The following DST variants were observed in gnomAD, a reference collection of about 807,000 sequenced individuals.
DST encodes the protein dystonin.
DST carries 253 observed loss-of-function variants against 875.2 expected under a neutral mutation model. The ratio of observed to expected loss-of-function variants is 0.29; its 90% CI spans 0.26 to 0.32. DST has a LOEUF of 0.32. DST is among the 10% of genes least tolerant of loss of function. The pLI is 1.00. For synonymous variants in DST, 3,124 were observed against 3,197.1 expected (o/e 0.98, Z 0.77); for missense variants, 8,287 against 9,111.6 (o/e 0.91, Z 3.68).
chr6:56,458,969 A>C lies in DST; in HGVS notation c.*36T>G. The C allele has an allele frequency of 1.3e-6, 2 of 1,502,552 alleles. No individual in the cohort carries two copies. Among genetic ancestry groups the C allele is most frequent in the Non-Finnish European group, 1.8e-6 (2 of 1,123,934 alleles). 93.1% of individuals were successfully genotyped at this position (1,502,552 alleles called of 1,614,324 possible). ...TTACATCGTTCAAACTTAAATAATAAATGCTCAAGGAAGGGCCTTGGTAGA... is the reference window on the plus strand; with the variant it reads ...TTACATCGTTCAAACTTAAATAATACATGCTCAAGGAAGGGCCTTGGTAGA... On this transcript the variant is annotated 3_prime_UTR_variant, in exon 104 of 104. Coordinates refer to ENST00000680361, the MANE Select transcript of DST (RefSeq NM_001374736.1).
intron 2 of DST, among the ~76,000 whole-genome samples, chr6:56,949,034 G>C (rs942776262): frequency 6.6e-6 from 1 of 152,132 alleles, no homozygotes; most frequent in Admixed American, 6.5e-5. Context: ...CCCAAAACCA[G>C]AATTTTGAAC....
intron 2 of DST, among the ~76,000 whole-genome samples, chr6:56,907,003 T>C (rs748378957): frequency 6.6e-6 from 1 of 152,192 alleles, no homozygotes; most frequent in Non-Finnish European, 1.5e-5. Flanking sequence ...GAGCCCACTC[T>C]AGATCTTCCC....
intron 49 of DST, among the ~76,000 whole-genome samples, chr6:56,587,931 C>T (rs1356899311): frequency 6.6e-6 from 1 of 152,080 alleles, no homozygotes; most frequent in Non-Finnish European, 1.5e-5. Context: ...TGGAAAGGAA[C>T]AACCGGTACC....
At chr6:56,917,006 AAAAAAAAAAAAGAC>A (rs1801553540) in intron 2 of DST, among the ~76,000 whole-genome samples, 1 of 101,968 alleles carries the variant, frequency 9.8e-6, no homozygotes, top group Non-Finnish European at 2.3e-5. Flanking sequence ...AAAAAAAAAA[AAAAAAAAAAAAGAC>A]AGGCAGAGGC....
At chr6:56,673,761 C>T (rs191466034) in intron 9 of DST, among the ~76,000 whole-genome samples, 3 of 152,242 alleles carry the variant, frequency 2.0e-5, no homozygotes, top group Admixed American at 1.3e-4. Flanking sequence ...TTTTACAATG[C>T]ATATGCAAAT....
At chr6:56,871,785 A>G in intron 3 of DST, 1 of 341,690 alleles carries the variant, frequency 2.9e-6, no homozygotes, top group Non-Finnish European at 5.4e-6. Flanking sequence ...GTAAAAAAAA[A>G]AAAAAAAAAA....
Position 56,517,197 on chromosome 6 carries a change from C to A in DST, c.18357+1G>T. 1 of 1,609,060 alleles carries A rather than the reference C, an allele frequency of 6.2e-7. No homozygotes were observed. ...CTACCAGTCCACAGACAAGATTATA[C>A]CTTCATTGATTGCTTTTCCTCTTCA... On this transcript the variant is annotated splice_donor_variant, in intron 71 of 103. Transcript: ENST00000680361. LOFTEE classifies it high-confidence loss of function.
At chr6:56,796,211 A>G (rs2099739483) in intron 4 of DST, among the ~76,000 whole-genome samples, 1 of 152,246 alleles carries the variant, frequency 6.6e-6, no homozygotes, top group South Asian at 2.1e-4. Flanking sequence ...GGGTGAATTT[A>G]TGATAAATAC....
At chr6:56,761,925 T>C (rs2152963972) in intron 4 of DST, among the ~76,000 whole-genome samples, 1 of 152,352 alleles carries the variant, frequency 6.6e-6, no homozygotes, top group African/African-American at 2.4e-5. Context: ...TTAGTGCACC[T>C]TATAGCTGAG....
At chr6:56,538,399 T>C (rs199732023) in intron 61 of DST, among the ~76,000 whole-genome samples, 2 of 18,742 alleles carry the variant, frequency 1.1e-4, no homozygotes, top group African/African-American at 2.4e-4. Flanking sequence ...AGTTTGAGAT[T>C]CTGAGTCATT....
At chr6:56,630,098 G>C (rs1297678877) in intron 31 of DST, 147 bp downstream of exon 31, 1 of 670,984 alleles carries the variant, frequency 1.5e-6, no homozygotes, top group African/African-American at 1.8e-5. Context: ...AACATACTTA[G>C]AGTAAACTGT....
chr6:56,573,651 A>C, intron 51 of DST, 28 bp downstream of exon 51: 1 of 1,558,828 alleles, frequency 6.4e-7, no homozygotes, highest in East Asian at 2.2e-5. Context: ...AAAAACTGAA[A>C]ATGGGACTTT....
At chr6:56,812,889 T>C (rs1590983216) in intron 4 of DST, among the ~76,000 whole-genome samples, 2 of 152,144 alleles carry the variant, frequency 1.3e-5, no homozygotes, top group African/African-American at 4.8e-5. Flanking sequence ...ACTGGGTATA[T>C]ACCCAAAGGA....
At chr6:56,460,994 TA>T (rs895527891) in intron 102 of DST, 3 of 152,064 alleles carry the variant, frequency 2.0e-5, no homozygotes, top group Non-Finnish European at 2.9e-5. Context: ...TCACAACATT[TA>T]AAAAATTCTC....
chr6:56,528,933 C>T lies in DST; in HGVS notation c.17596-8G>A, dbSNP rs2096848525. The T allele has an allele frequency of 6.4e-7, 1 of 1,557,630 alleles. No individual in the cohort carries two copies. The highest frequency in any genetic ancestry group is 8.8e-7 in the Non-Finnish European group (1 of 1,142,782). On this transcript the variant is annotated splice_region_variant and splice_polypyrimidine_tract_variant and intron_variant, in intron 66 of 103. Transcript: ENST00000680361. The stretch of plus-strand genomic sequence containing the variant: ...GATGTCCTCTTGCAGAACCTGAAAA[C>T]ACAGGTACCATTTTTATGTGGGGGG...
chr6:56,777,385 G>A (rs1244007988), intron 4 of DST, among the ~76,000 whole-genome samples: 1 of 151,972 alleles, frequency 6.6e-6, no homozygotes, highest in Non-Finnish European at 1.5e-5. Flanking sequence ...CTTACTACAG[G>A]CAAGTAGATG....
intron 42 of DST, 29 bp from the exon 43 acceptor site, chr6:56,603,060 T>A: frequency 6.4e-7 from 1 of 1,552,126 alleles, no homozygotes; most frequent in Non-Finnish European, 8.7e-7. Flanking sequence ...CATTCAGTTA[T>A]CTTTCCCCAA....
At chr6:56,715,015 C>T (rs2099390050) in intron 5 of DST, among the ~76,000 whole-genome samples, 1 of 152,158 alleles carries the variant, frequency 6.6e-6, no homozygotes, top group Non-Finnish European at 1.5e-5. Flanking sequence ...GTCCTCACTG[C>T]AAATGCTTAA....
chr6:56,936,876 A>G (rs1172994790), intron 2 of DST, among the ~76,000 whole-genome samples: 5 of 152,218 alleles, frequency 3.3e-5, no homozygotes, highest in Non-Finnish European at 7.3e-5. Flanking sequence ...GAAGAAAAGT[A>G]ATCTGAATAG....
Sources: gnomAD v4.1 joint callset for allele counts (sites outside exome capture counted in the v4.1 genomes callset) on GRCh38, gnomAD v4.1.1 for gene constraint, MANE v1.5 for transcripts, NCBI Gene and HGNC (gene_info 2026-07-23, HGNC 2026-07-21) for gene names.